The following MYO5C variants were observed in gnomAD, a reference collection of about 807,000 sequenced individuals.
The protein encoded by MYO5C is myosin VC.
A neutral mutation model predicts 235.7 loss-of-function variants in MYO5C; 194 were observed. The ratio of observed to expected loss-of-function variants is 0.82; its 90% CI spans 0.73 to 0.93. MYO5C has a LOEUF of 0.93. Ranked by LOEUF, MYO5C falls within the 40% of genes least tolerant of loss-of-function variation. The pLI is 0.00. For synonymous variants in MYO5C, 707 were observed against 754.8 expected (o/e 0.94, Z 1.04); for missense variants, 2,038 against 2,127.2 (o/e 0.96, Z 0.82).
chr15:52,256,062 T>C (rs1036178357), intron 11 of MYO5C, among the ~76,000 whole-genome samples: 9 of 152,214 alleles, frequency 5.9e-5, no homozygotes, highest in African/African-American at 2.2e-4. Flanking sequence ...AGCACTGGGC[T>C]GAGAGAGACA....
Position 52,205,104 on chromosome 15 carries a change from G to A in MYO5C, c.4581C>T (p.Gly1527=), listed in dbSNP as rs553048230. The part of the protein sequence containing the change: ...LEYESLQGIS[G]LKPTGFRKRS... ...GCTTCCGGAAGCCTGTGGGCTTCAG[G>A]CCGGAAATGCCCTGCAGGCTCTCAT... The change falls in exon 38 of 41, where the codon GGC becomes GGT. Residue 1527 remains glycine, a synonymous_variant. Transcript: ENST00000261839. 24 of 1,614,198 alleles carry A rather than the reference G, an allele frequency of 1.5e-5. No individual in the cohort carries two copies. In the South Asian group the frequency reaches 1.8e-4, roughly 12 times the overall value.
chr15:52,281,608 C>T (rs757918893), intron 2 of MYO5C, among the ~76,000 whole-genome samples: 3 of 152,208 alleles, frequency 2.0e-5, no homozygotes, highest in Non-Finnish European at 4.4e-5. Context: ...ATTGTCTCAT[C>T]GCACTTCAGC....
intron 1 of MYO5C, among the ~76,000 whole-genome samples, chr15:52,291,738 T>TTTTTTTTTGTTTTG (rs1555422081): frequency 0.042 from 3,386 of 80,026 alleles, 189 homozygotes; most frequent in African/African-American, 0.096. Flanking sequence ...TATGTTTTTT[T>TTTTTTTTTGTTTTG]TTTTTTTTTT....
intron 8 of MYO5C, chr15:52,265,300 C>T (rs2036781739): frequency 6.6e-6 from 1 of 152,212 alleles, no homozygotes; most frequent in African/African-American, 2.4e-5. Context: ...GACCCACACG[C>T]TGTGAGCCCG....
chr15:52,264,441 G>A, intron 8 of MYO5C, 145 bp from the exon 9 acceptor site: 2 of 649,598 alleles, frequency 3.1e-6, no homozygotes, highest in Non-Finnish European at 2.7e-6. Context: ...GGGGCATCTG[G>A]GGCACTGTTC....
In MYO5C at chr15:52,212,389, TTAAGA is replaced by T. The variant is rs531185517; in HGVS notation, c.4142-510_4142-506del. Among the ~76,000 whole-genome samples, 505 of 152,014 alleles carry T rather than the reference TTAAGA, an allele frequency of 3.3e-3. 4 individuals are homozygous for T. The highest frequency in any genetic ancestry group is 0.011 in the African/African-American group (473 of 41,440). On this transcript the variant is annotated intron_variant, in intron 34 of 40. Transcript: ENST00000261839. ...GGAGAGAGAAATCTTACAAAAAAAG[TTAAGA>T]TAAGCAAACAAGGATGTCCCCTGGC... is the stretch of plus-strand genomic sequence containing the variant.
At chr15:52,216,644 G>GAA (rs113865164) in intron 32 of MYO5C, among the ~76,000 whole-genome samples, 2 of 146,756 alleles carry the variant, frequency 1.4e-5, no homozygotes, top group East Asian at 2.0e-4. Flanking sequence ...AAAGAGTCTG[G>GAA]AAAAAAAAAA....
At chr15:52,292,461 A>T (rs1455265381) in intron 1 of MYO5C, among the ~76,000 whole-genome samples, 1 of 152,242 alleles carries the variant, frequency 6.6e-6, no homozygotes, top group Non-Finnish European at 1.5e-5. Context: ...GACCTGAGCC[A>T]TTTCTAAAAG....
At chr15:52,209,525 T>A (rs986361058) in intron 35 of MYO5C, among the ~76,000 whole-genome samples, 1 of 152,104 alleles carries the variant, frequency 6.6e-6, no homozygotes, top group Non-Finnish European at 1.5e-5. Context: ...CCTGGGCACA[T>A]GCAAAGGCAG....
chr15:52,284,847 T>C (rs1172325315), intron 1 of MYO5C, among the ~76,000 whole-genome samples: 5 of 151,330 alleles, frequency 3.3e-5, no homozygotes, highest in Non-Finnish European at 7.4e-5. Context: ...TTCTTTTTTT[T>C]TTTTTTTTAA....
intron 30 of MYO5C, 63 bp downstream of exon 30, chr15:52,221,099 A>T: frequency 7.6e-7 from 1 of 1,311,690 alleles, no homozygotes. Flanking sequence ...AGGACATTTC[A>T]ATGTCATTTC....
chr15:52,268,335 C>T (rs189075472), intron 8 of MYO5C, among the ~76,000 whole-genome samples: 19 of 152,234 alleles, frequency 1.2e-4, no homozygotes, highest in East Asian at 3.9e-4. Flanking sequence ...GAAGCCAAGG[C>T]GGGCAGATCA....
At chr15:52,196,190 T>C (rs1243453108) in intron 39 of MYO5C, 119 bp downstream of exon 39, 5 of 872,008 alleles carry the variant, frequency 5.7e-6, no homozygotes, top group Non-Finnish European at 6.7e-6. Context: ...GTGATAGGTA[T>C]GCTCCCGAGA....
At chr15:52,241,088 G>A (rs1165765691) in intron 20 of MYO5C, among the ~76,000 whole-genome samples, 1 of 152,096 alleles carries the variant, frequency 6.6e-6, no homozygotes, top group Non-Finnish European at 1.5e-5. Flanking sequence ...CCATCTCATT[G>A]TGCTTTGTAT....
chr15:52,198,203 C>T (rs1305154352), intron 38 of MYO5C, among the ~76,000 whole-genome samples: 2 of 152,020 alleles, frequency 1.3e-5, no homozygotes, highest in African/African-American at 4.8e-5. Context: ...GGTATGGTGG[C>T]GGACGCCTAT....
chr15:52,245,572 A>G, intron 17 of MYO5C, 107 bp from the exon 18 acceptor site: 1 of 810,082 alleles, frequency 1.2e-6, no homozygotes, highest in Non-Finnish European at 2.2e-6. Context: ...GGGGTGGTGC[A>G]ATCTGTCCTG....
Position 52,253,343 on chromosome 15 carries a change from G to C in MYO5C, c.1510C>G (p.Leu504Val), listed in dbSNP as rs1386891433. ...IDLIEAKMGI[L>V]ELLDEECLLP... ...AAACATTCTTCATCCAGTAACTCCAGAATTCCCATTTTTGCTTCAATCAGG... is the reference window on the plus strand; with the variant it reads ...AAACATTCTTCATCCAGTAACTCCACAATTCCCATTTTTGCTTCAATCAGG... The change falls in exon 12 of 41, where the codon CTG (leucine) becomes GTG (valine). Residue 504 changes from leucine (L) to valine (V), a missense_variant. Leu to Val is a conservative substitution (Grantham distance 32). Coordinates refer to ENST00000261839, the MANE Select transcript of MYO5C (RefSeq NM_018728.4). 1.2e-6 allele frequency: 2 copies of C among 1,612,460 alleles called. No individual in the cohort carries two copies. The highest frequency in any genetic ancestry group is 3.4e-5 in the Admixed American group (2 of 59,480).
rs751369541 is a variant in MYO5C at position 52,196,400 on chromosome 15, G to A, written c.4904C>T (p.Ser1635Phe). 4.3e-6 allele frequency: 7 copies of A among 1,614,098 alleles called. No individual in the cohort carries two copies. The highest frequency in any genetic ancestry group is 1.7e-5 in the Admixed American group (1 of 60,010). Residue 1635 changes from serine to phenylalanine, a missense_variant, in exon 39 of 41, where the codon TCT (serine) becomes TTT (phenylalanine). Physicochemically the swap from Ser to Phe is radical, Grantham distance 155 (BLOSUM62 -2). Coordinates refer to ENST00000261839, the MANE Select transcript of MYO5C (RefSeq NM_018728.4). The part of the protein sequence containing the change: ...SLAKETLEPL[S>F]QAAWLLQVKK... The stretch of plus-strand genomic sequence containing the variant: ...GACCTGAAGCAACCAGGCTGCCTGA[G>A]AGAGGGGCTCCAAAGTTTCCTTTGC...
chr15:52,207,169 T>C (rs1416046720), intron 36 of MYO5C, among the ~76,000 whole-genome samples: 2 of 150,576 alleles, frequency 1.3e-5, no homozygotes, highest in African/African-American at 4.9e-5. Context: ...GAACAGGACA[T>C]TGTGGTAAGA....
Sources: allele counts gnomAD v4.1 joint callset (sites outside exome capture counted in the v4.1 genomes callset), GRCh38; gene constraint gnomAD v4.1.1; transcripts MANE v1.5; gene names NCBI Gene and HGNC (gene_info 2026-07-23, HGNC 2026-07-21).